GLRB: variants seen among roughly 807,000 people sequenced by gnomAD.
GLRB encodes the protein glycine receptor subunit beta.
A neutral mutation model predicts 54.2 loss-of-function variants in GLRB; 33 were observed. The ratio of observed to expected loss-of-function variants is 0.61; its 90% CI spans 0.46 to 0.81. GLRB has a LOEUF of 0.81. GLRB is among the 40% of genes least tolerant of loss of function. GLRB has a pLI of 0.00. For missense variants in GLRB, 572 were observed against 584.6 expected (o/e 0.98, Z 0.22); for synonymous variants, 209 against 208.2 (o/e 1.00, Z -0.03).
chr4:157,158,164 G>T (rs1343341627), intron 9 of GLRB, among the ~76,000 whole-genome samples: 1 of 151,928 alleles, frequency 6.6e-6, no homozygotes, highest in Non-Finnish European at 1.5e-5. Context: ...CATATCCTTT[G>T]CCCACTTTTT....
chr4:157,117,155 A>G (rs940983610), intron 2 of GLRB, among the ~76,000 whole-genome samples: 1 of 151,770 alleles, frequency 6.6e-6, no homozygotes, highest in East Asian at 1.9e-4. Context: ...GCTTAGTAAA[A>G]TGAATAGAAC....
chr4:157,097,839 G>A (rs923848877), intron 2 of GLRB, among the ~76,000 whole-genome samples: 1 of 152,066 alleles, frequency 6.6e-6, no homozygotes, highest in Admixed American at 6.5e-5. Flanking sequence ...TGGCCACAAT[G>A]GTGAAACCCC....
At chr4:157,079,049 C>A (rs1332714224) in intron 2 of GLRB, among the ~76,000 whole-genome samples, 1 of 152,190 alleles carries the variant, frequency 6.6e-6, no homozygotes, top group East Asian at 1.9e-4. Context: ...GCTGGGATTA[C>A]AGGCGTGGTT....
chr4:157,140,242 T>A (rs902987425), intron 7 of GLRB, among the ~76,000 whole-genome samples: 1 of 151,936 alleles, frequency 6.6e-6, no homozygotes, highest in African/African-American at 2.4e-5. Context: ...AATGAAGAAG[T>A]CATAGATAAT....
Position 157,120,669 on chromosome 4 carries a change from C to G in GLRB, c.229+7C>G. The G allele has an allele frequency of 7.7e-7, 1 of 1,295,800 alleles. No homozygotes were observed. Among genetic ancestry groups the G allele is most frequent in the South Asian group, 1.2e-5 (1 of 84,542 alleles). The allele number at this position is 1,295,800 out of a possible 1,614,324, so 80.3% of individuals were successfully genotyped here. A position where few individuals can be genotyped will look rare whatever the true frequency, so the allele number is the denominator to read the frequency against. ...ATAAGACCAAACTTCAAAGGTTTGT[C>G]TCCCCCATATAAATGTTCATTTTTA... On this transcript the variant is annotated splice_region_variant and intron_variant, in intron 3 of 9. Coordinates refer to ENST00000264428, the MANE Select transcript of GLRB (RefSeq NM_000824.5).
rs1737906965 is a variant in GLRB, at chr4:157,171,095, T to C, written c.*367T>C. ...GCTATGGTCACCATTCTAATGTATG[T>C]AGTATTTCAAATTTCCTTCCTTGTA... On this transcript the variant is annotated 3_prime_UTR_variant, in exon 10 of 10. Coordinates refer to ENST00000264428, the MANE Select transcript of GLRB (RefSeq NM_000824.5). The C allele has an allele frequency of 6.3e-6, 1 of 157,700 alleles. No homozygotes were observed. Among genetic ancestry groups the C allele is most frequent in the African/African-American group, 2.4e-5 (1 of 41,658 alleles). The allele number at this position is 157,700 out of a possible 1,614,324, so 9.8% of individuals were successfully genotyped here. A position where few individuals can be genotyped will look rare whatever the true frequency, so the allele number is the denominator to read the frequency against.
chr4:157,163,425 C>G (rs545794384), intron 9 of GLRB, among the ~76,000 whole-genome samples: 9 of 152,254 alleles, frequency 5.9e-5, no homozygotes, highest in African/African-American at 2.2e-4. Context: ...TAGACTGGAG[C>G]TGTTCCTATT....
At chr4:157,081,675 G>A (rs1053829819) in intron 2 of GLRB, among the ~76,000 whole-genome samples, 1 of 152,102 alleles carries the variant, frequency 6.6e-6, no homozygotes, top group African/African-American at 2.4e-5. Flanking sequence ...ATTCCCATGT[G>A]GGACATTGCC....
intron 9 of GLRB, among the ~76,000 whole-genome samples, chr4:157,166,185 A>G (rs945912979): frequency 7.9e-5 from 12 of 152,052 alleles, no homozygotes; most frequent in African/African-American, 2.9e-4. Context: ...TTTGTTGCCA[A>G]TAATTTTCAG....
At chr4:157,101,946 G>A (rs902889861) in intron 2 of GLRB, among the ~76,000 whole-genome samples, 4 of 151,966 alleles carry the variant, frequency 2.6e-5, no homozygotes, top group South Asian at 2.1e-4. Context: ...ACTTTTTATC[G>A]TGTCATGTGC....
chr4:157,130,357 G>GT (rs1736169610), intron 4 of GLRB, among the ~76,000 whole-genome samples: 1 of 151,562 alleles, frequency 6.6e-6, no homozygotes. Flanking sequence ...TGTTCTTTTG[G>GT]TTTAGTGAAA....
chr4:157,138,523 T>C (rs1736491562), intron 6 of GLRB, among the ~76,000 whole-genome samples: 1 of 152,220 alleles, frequency 6.6e-6, no homozygotes, highest in Non-Finnish European at 1.5e-5. Flanking sequence ...AAACTAATTC[T>C]GACATAGAGA....
At chr4:157,113,637 G>A (rs1042117263) in intron 2 of GLRB, among the ~76,000 whole-genome samples, 1 of 151,962 alleles carries the variant, frequency 6.6e-6, no homozygotes, top group African/African-American at 2.4e-5. Context: ...CATGGATGAT[G>A]TAATTGTATA....
intron 7 of GLRB, 137 bp downstream of exon 7, chr4:157,139,086 A>T: frequency 1.7e-6 from 1 of 576,722 alleles, no homozygotes; most frequent in South Asian, 2.5e-5. Context: ...TTACATTCAT[A>T]TGTTTAAGTC....
intron 4 of GLRB, among the ~76,000 whole-genome samples, chr4:157,131,130 G>A (rs929271283): frequency 6.6e-6 from 1 of 151,664 alleles, no homozygotes; most frequent in Non-Finnish European, 1.5e-5. Context: ...AGTAGCAATT[G>A]AAAGTTACAT....
At position 157,129,559 on chromosome 4, in the gene GLRB, A is replaced by T. The variant is rs1278550091; in HGVS notation, c.298-6910A>T. ...CTTGCTGGAACTTGCGTGGAATCAT[A>T]GTATTATATGGCCTCATAACTAATA... On this transcript the variant is annotated intron_variant, in intron 4 of 9. Transcript: ENST00000264428. Among the ~76,000 whole-genome samples, 4 of 151,912 alleles carry T rather than the reference A, an allele frequency of 2.6e-5. No homozygotes were observed. The East Asian group carries it at 7.8e-4, about 30-fold the overall frequency.
chr4:157,129,960 C>A (rs543412669), intron 4 of GLRB, among the ~76,000 whole-genome samples: 1 of 151,610 alleles, frequency 6.6e-6, no homozygotes, highest in East Asian at 2.0e-4. Flanking sequence ...AGCAAAAAAG[C>A]ATATTAAGCA....
At chr4:157,156,119 T>A (rs1180421537) in intron 9 of GLRB, among the ~76,000 whole-genome samples, 2 of 152,220 alleles carry the variant, frequency 1.3e-5, no homozygotes, top group Admixed American at 1.3e-4. Flanking sequence ...AGGATTGTTT[T>A]CTCTAATTCT....
chr4:157,136,392 T>G (rs1396067938), intron 4 of GLRB, 77 bp from the exon 5 acceptor site: 6 of 834,298 alleles, frequency 7.2e-6, no homozygotes, highest in Non-Finnish European at 1.2e-5. Context: ...ATTGTAACCC[T>G]TTTTGTTTTG....
Sources: allele counts gnomAD v4.1 joint callset (sites outside exome capture counted in the v4.1 genomes callset), GRCh38; gene constraint gnomAD v4.1.1; transcripts MANE v1.5; gene names NCBI Gene and HGNC (gene_info 2026-07-23, HGNC 2026-07-21).